Variants in LOXL3 observed in about 807,000 individuals in gnomAD.
The protein encoded by LOXL3 is lysyl oxidase like 3, also known as lysyl oxidase homolog 3.
In LOXL3, 60 loss-of-function variants were observed where a neutral mutation model predicts 91.8. The observed-to-expected ratio is 0.65, with a 90% confidence interval of 0.53 to 0.81. The LOEUF (loss-of-function observed/expected upper bound fraction) is 0.81. LOXL3 is among the 30% of genes least tolerant of loss of function. The pLI is 0.00. For missense variants in LOXL3, 874 were observed against 1,000.4 expected (o/e 0.87, Z 1.70); for synonymous variants, 355 against 387.6 (o/e 0.92, Z 0.99).
At chr2:74,534,278 A>G in intron 11 of LOXL3, 38 bp downstream of exon 11, 1 of 1,614,178 alleles carries the variant, frequency 6.2e-7, no homozygotes, top group Non-Finnish European at 8.5e-7. Flanking sequence ...AAGGCTGTGC[A>G]ATGGATACCA....
intron 4 of LOXL3, among the ~76,000 whole-genome samples, chr2:74,538,944 C>T (rs544204585): frequency 5.9e-5 from 9 of 152,320 alleles, no homozygotes; most frequent in South Asian, 4.1e-4. Context: ...ACCAGTCTTG[C>T]GTAACACTTC....
upstream of LOXL3, chr2:74,554,314 A>G (rs1257975554): frequency 5.7e-6 from 1 of 174,426 alleles, no homozygotes; most frequent in Non-Finnish European, 1.2e-5. This position sits in a 1 kb window ranked among gnomAD's most constrained non-coding sequence, Gnocchi z 4.9. Context: ...CGGAGTCTAA[A>G]CAGCCCGGCT....
chr2:74,547,257 A>C (rs1302418326), intron 4 of LOXL3, among the ~76,000 whole-genome samples: 1 of 152,126 alleles, frequency 6.6e-6, no homozygotes, highest in African/African-American at 2.4e-5. Flanking sequence ...GGGCTCAAAT[A>C]ATGCTTCCAC....
Position 74,549,826 on chromosome 2 carries a change from T to A in LOXL3, c.478-243A>T. On this transcript the variant is annotated intron_variant, in intron 3 of 13. Transcript: ENST00000264094. This position sits in a 1 kb window ranked among gnomAD's most constrained non-coding sequence, Gnocchi z 5.3. Reference sequence around the variant, plus strand: ...AGGGCACTAGGAAGGAGGCCCTCCCTGTGCCTGGAGCAGGAGGGAGCACTT... The same window carrying A: ...AGGGCACTAGGAAGGAGGCCCTCCCAGTGCCTGGAGCAGGAGGGAGCACTT... 1.0e-6 allele frequency: 1 copy of A among 985,402 alleles called. No homozygotes were observed. The highest frequency in any genetic ancestry group is 1.2e-6 in the Non-Finnish European group (1 of 829,916). The allele number at this position is 985,402 out of a possible 1,614,324, so 61.0% of individuals were successfully genotyped here.
In LOXL3 at chr2:74,536,303, G is replaced by A. The variant is rs865846469; in HGVS notation, c.1081C>T (p.Arg361Cys). Residue 361 changes from arginine (R) to cysteine (C), a missense_variant, in exon 6 of 14, where the codon CGC becomes TGC. By Grantham distance (180) the Arg-to-Cys change is radical. Coordinates refer to ENST00000264094, the MANE Select transcript of LOXL3 (RefSeq NM_032603.5). The surrounding 1 kb of genome is among the most constrained non-coding windows in gnomAD (Gnocchi z 4.5). ...GSAREALSGA[R>C]MGQGMGAIHL... ...CATGCCACCTCACCCTGCCCCATGC[G>A]AGCGCCACTCAGAGCTTCTCGAGCA... is the stretch of plus-strand genomic sequence containing the variant. 6.2e-6 allele frequency: 10 copies of A among 1,613,374 alleles called. No homozygotes were observed. Among genetic ancestry groups the A allele is most frequent in the Middle Eastern group, 1.6e-4 (1 of 6,084 alleles).
At chr2:74,547,033 A>G (rs1259321962) in intron 4 of LOXL3, among the ~76,000 whole-genome samples, 1 of 151,828 alleles carries the variant, frequency 6.6e-6, no homozygotes, top group East Asian at 1.9e-4. Flanking sequence ...TTATTTTTTG[A>G]GACAGGGTCT....
chr2:74,536,058 A>G lies in LOXL3; in HGVS notation c.1186T>C (p.Cys396Arg), dbSNP rs748133530. The G allele has an allele frequency of 6.2e-7, 1 of 1,611,348 alleles. No individual in the cohort carries two copies. The highest frequency in any genetic ancestry group is 8.5e-7 in the Non-Finnish European group (1 of 1,178,704). ...CPHKNITAED[C>R]SHSQDAGVRC... The stretch of plus-strand genomic sequence containing the variant: ...ACCCCGGCATCCTGGCTATGTGAAC[A>G]ATCCTCAGCTGTGATGTTCTTGTGG... Residue 396 changes from cysteine (C) to arginine (R), a missense_variant, in exon 7 of 14, where the codon TGT (cysteine) becomes CGT (arginine). Physicochemically the swap from Cys to Arg is radical, Grantham distance 180. Coordinates refer to ENST00000264094, the MANE Select transcript of LOXL3 (RefSeq NM_032603.5). The surrounding 1 kb of genome is among the most constrained non-coding windows in gnomAD (Gnocchi z 4.5).
At chr2:74,554,763 A>C (rs549635023), upstream of LOXL3, 8 of 1,612,988 alleles carry the variant, frequency 5.0e-6, no homozygotes, top group African/African-American at 1.1e-4. The surrounding 1 kb of genome is among the most constrained non-coding windows in gnomAD (Gnocchi z 4.9). Flanking sequence ...CCATGGACGG[A>C]GCAGTGATGG....
chr2:74,532,760 A>C lies in LOXL3; in HGVS notation c.*846T>G, dbSNP rs1447155610. On this transcript the variant is annotated 3_prime_UTR_variant, in exon 14 of 14. Coordinates refer to ENST00000264094, the MANE Select transcript of LOXL3 (RefSeq NM_032603.5). Reference sequence around the variant, plus strand: ...TGATATGGGGATGGGCAAGGTGTGCATGTGTCCTTGAACTAGGCTTTGTAC... The same window carrying C: ...TGATATGGGGATGGGCAAGGTGTGCCTGTGTCCTTGAACTAGGCTTTGTAC... The C allele has an allele frequency of 1.2e-6, 2 of 1,612,526 alleles. No homozygotes were observed. The highest frequency in any genetic ancestry group is 2.2e-5 in the South Asian group (2 of 91,040).
chr2:74,534,515 C>T lies in LOXL3; in HGVS notation c.1823+16G>A, dbSNP rs1343002471. 1.2e-6 allele frequency: 2 copies of T among 1,613,808 alleles called. No individual in the cohort carries two copies. The highest frequency in any genetic ancestry group is 2.7e-5 in the African/African-American group (2 of 74,928). On this transcript the variant is annotated intron_variant, in intron 10 of 13. Transcript: ENST00000264094. ...CCCGTGGTCTTGCCCTTCTACTTGA[C>T]TCCCTACCCTCTCACCCATGGCACT...
chr2:74,544,388 T>C (rs539048423), intron 4 of LOXL3, among the ~76,000 whole-genome samples: 2 of 152,354 alleles, frequency 1.3e-5, no homozygotes, highest in South Asian at 4.1e-4. Context: ...TGAATCCTTA[T>C]GATGGCCTAT....
chr2:74,555,314 C>G (rs780579393), upstream of LOXL3: 6 of 1,614,026 alleles, frequency 3.7e-6, no homozygotes, highest in Admixed American at 1.7e-5. This position sits in a 1 kb window ranked among gnomAD's most constrained non-coding sequence, Gnocchi z 6.1. Context: ...GTGAGTGTGG[C>G]CCCCGTCACC....
Position 74,532,685 on chromosome 2 carries a change from T to C in LOXL3, c.*921A>G. On this transcript the variant is annotated 3_prime_UTR_variant, in exon 14 of 14. Transcript: ENST00000264094. The stretch of plus-strand genomic sequence containing the variant: ...ATGTTCAGCATGGTGTACTCATCCA[T>C]AAAGTCATCCTGGGCTCCCCTGCAC... The C allele has an allele frequency of 5.0e-6, 8 of 1,613,914 alleles. No individual in the cohort carries two copies. The Middle Eastern group carries it at 1.2e-3, about 240-fold the overall frequency.
Position 74,535,879 on chromosome 2 carries a change from G to T in LOXL3, c.1248+117C>A. On this transcript the variant is annotated intron_variant, in intron 7 of 13. Transcript: ENST00000264094. This position sits in a 1 kb window ranked among gnomAD's most constrained non-coding sequence, Gnocchi z 4.2. ...GGCTAGCAAGTGATGGGTCAGGTGG[G>T]AGCTGCAGGAGGGCAGGGGCCTGGG... 1.4e-6 allele frequency: 2 copies of T among 1,472,800 alleles called. No individual in the cohort carries two copies. Among genetic ancestry groups the T allele is most frequent in the Middle Eastern group, 1.8e-4 (1 of 5,546 alleles). The allele number at this position is 1,472,800 out of a possible 1,614,324, so 91.2% of individuals were successfully genotyped here. A position where few individuals can be genotyped will look rare whatever the true frequency, so the allele number is the denominator to read the frequency against.
rs1430695679 is a variant in LOXL3, at chr2:74,536,706, C to T, written c.912+3G>A. 7 of 1,613,776 alleles carry T rather than the reference C, an allele frequency of 4.3e-6. No homozygotes were observed. Among genetic ancestry groups the T allele is most frequent in the African/African-American group, 4.0e-5 (3 of 74,944 alleles). On this transcript the variant is annotated splice_donor_region_variant and intron_variant, in intron 5 of 13. Coordinates refer to ENST00000264094, the MANE Select transcript of LOXL3 (RefSeq NM_032603.5). This position sits in a 1 kb window ranked among gnomAD's most constrained non-coding sequence, Gnocchi z 4.5. ...GAAAGGTCATAATCACTGTCTCACA[C>T]ACCTCCCCCTGAGGCTTCGACTGTT...
At chr2:74,548,714 T>C (rs78302641) in intron 4 of LOXL3, among the ~76,000 whole-genome samples, 13,507 of 152,086 alleles carry the variant, frequency 0.089, 1,264 homozygotes, top group African/African-American at 0.24. Context: ...ACAGGCAGTT[T>C]CCAGGGTGAT....
upstream of LOXL3, chr2:74,554,836 G>A (rs1438689599): frequency 6.2e-7 from 1 of 1,613,502 alleles, no homozygotes; most frequent in Non-Finnish European, 8.5e-7. The surrounding 1 kb of genome is among the most constrained non-coding windows in gnomAD (Gnocchi z 4.9). Context: ...CATGGATGCC[G>A]AACCTTATCC....
rs1480328761 is a variant in LOXL3 at position 74,533,349 on chromosome 2, T to C, written c.*257A>G. On this transcript the variant is annotated 3_prime_UTR_variant, in exon 14 of 14. Coordinates refer to ENST00000264094, the MANE Select transcript of LOXL3 (RefSeq NM_032603.5). ...TTGTGGGCAGTTAGTCAGGTGCTGC[T>C]CTTTGTGGTGTGGTGGGCTCTGGTC... 2 of 539,816 alleles carry C rather than the reference T, an allele frequency of 3.7e-6. No homozygotes were observed. Among genetic ancestry groups the C allele is most frequent in the Non-Finnish European group, 3.3e-6 (1 of 302,892 alleles). The allele number at this position is 539,816 out of a possible 1,614,324, so 33.4% of individuals were successfully genotyped here.
chr2:74,551,810 T>G (rs1433928014), intron 2 of LOXL3, among the ~76,000 whole-genome samples: 1 of 152,272 alleles, frequency 6.6e-6, no homozygotes. Context: ...GGAACTGCTC[T>G]TAAGCCTCCA....
Sources: gnomAD v4.1 joint callset for allele counts (sites outside exome capture counted in the v4.1 genomes callset) on GRCh38, gnomAD v4.1.1 for gene constraint, Gnocchi (gnomAD v3.1) non-coding constraint, MANE v1.5 for transcripts, NCBI Gene and HGNC (gene_info 2026-07-23, HGNC 2026-07-21) for gene names.